The following SDK1 variants were observed in gnomAD, a reference collection of about 807,000 sequenced individuals.
SDK1 encodes the protein protein sidekick-1.
SDK1 carries 157 observed loss-of-function variants against 245.5 expected under a neutral mutation model. The ratio of observed to expected loss-of-function variants is 0.64; its 90% CI spans 0.56 to 0.73. The LOEUF (loss-of-function observed/expected upper bound fraction) is 0.73. Among genes scored for constraint, SDK1 ranks in the 30% least tolerant of loss-of-function variants. SDK1 has a pLI of 0.00. For synonymous variants in SDK1, 1,647 were observed against 1,278.5 expected (o/e 1.29, Z -6.15); for missense variants, 3,583 against 3,002.3 (o/e 1.19, Z -4.52).
chr7:4,120,699 C>T (rs544047366), intron 25 of SDK1, among the ~76,000 whole-genome samples: 2 of 152,088 alleles, frequency 1.3e-5, no homozygotes, highest in South Asian at 4.2e-4. Context: ...TCACTGCAAC[C>T]TCTGCCTCCT....
At chr7:3,342,128 A>G (rs1780363999) in intron 1 of SDK1, among the ~76,000 whole-genome samples, 1 of 152,242 alleles carries the variant, frequency 6.6e-6, no homozygotes, top group Non-Finnish European at 1.5e-5. Context: ...CAAAGGTGAA[A>G]AAGCAATTCA....
At chr7:4,162,314 A>G (rs575709050) in intron 32 of SDK1, among the ~76,000 whole-genome samples, 17 of 151,624 alleles carry the variant, frequency 1.1e-4, no homozygotes, top group African/African-American at 3.9e-4. Flanking sequence ...CGGATTGTAC[A>G]TATTTTCCCA....
intron 35 of SDK1, among the ~76,000 whole-genome samples, chr7:4,188,555 G>A (rs1163357405): frequency 1.3e-5 from 2 of 151,960 alleles, no homozygotes; most frequent in African/African-American, 4.8e-5. Flanking sequence ...GTGTTTAAGT[G>A]GTTGTGTGCT....
intron 5 of SDK1, among the ~76,000 whole-genome samples, chr7:3,885,829 G>A (rs1311477781): frequency 6.6e-6 from 1 of 152,146 alleles, no homozygotes; most frequent in South Asian, 2.1e-4. Flanking sequence ...AGTAACAATG[G>A]TGATGACAAA....
In SDK1 at chr7:4,265,961, G is replaced by A; in HGVS notation, c.*577G>A. 1.0e-6 allele frequency: 1 copy of A among 985,644 alleles called. No homozygotes were observed. The highest frequency in any genetic ancestry group is 1.2e-6 in the Non-Finnish European group (1 of 830,064). The allele number at this position is 985,644 out of a possible 1,614,324, so 61.1% of individuals were successfully genotyped here. A position where few individuals can be genotyped will look rare whatever the true frequency, so the allele number is the denominator to read the frequency against. Reference sequence around the variant, plus strand: ...TTCTCACTTGGCAGTGTCTAGTCAAGGAGTCGGCTTTCAGGTTCCTGACGG... The same window carrying A: ...TTCTCACTTGGCAGTGTCTAGTCAAAGAGTCGGCTTTCAGGTTCCTGACGG... On this transcript the variant is annotated 3_prime_UTR_variant, in exon 45 of 45. Transcript: ENST00000404826.
chr7:3,484,282 T>C (rs1477669057), intron 1 of SDK1, among the ~76,000 whole-genome samples: 1 of 152,200 alleles, frequency 6.6e-6, no homozygotes, highest in African/African-American at 2.4e-5. Context: ...TGGGTCCATG[T>C]ATACACACAT....
chr7:3,841,682 C>T (rs564000346), intron 5 of SDK1, among the ~76,000 whole-genome samples: 1 of 152,092 alleles, frequency 6.6e-6, no homozygotes, highest in African/African-American at 2.4e-5. Flanking sequence ...TTCTTCTCAG[C>T]CTCCCAAGTA....
At chr7:4,044,936 C>T (rs1462827338) in intron 17 of SDK1, among the ~76,000 whole-genome samples, 2 of 152,124 alleles carry the variant, frequency 1.3e-5, no homozygotes, top group African/African-American at 2.4e-5. Flanking sequence ...CACCCCTTTA[C>T]CCCCACCCCA....
At chr7:3,359,449 A>G (rs1444682717) in intron 1 of SDK1, among the ~76,000 whole-genome samples, 1 of 152,206 alleles carries the variant, frequency 6.6e-6, no homozygotes, top group African/African-American at 2.4e-5. Context: ...GCAAGTTAGG[A>G]ACTGTACTAG....
intron 2 of SDK1, among the ~76,000 whole-genome samples, 153 bp from the exon 3 acceptor site, chr7:3,638,851 A>T (rs1583257165): frequency 6.6e-6 from 1 of 151,918 alleles, no homozygotes; most frequent in East Asian, 1.9e-4. Flanking sequence ...TTAGGGAAGG[A>T]TTGCACAGAT....
chr7:3,475,106 C>T (rs893172747), intron 1 of SDK1, among the ~76,000 whole-genome samples: 1 of 152,228 alleles, frequency 6.6e-6, no homozygotes, highest in African/African-American at 2.4e-5. Context: ...ATGATATCCT[C>T]TTGCTTAAAG....
In SDK1 at chr7:3,314,581, T is replaced by A. The variant is rs150181280; in HGVS notation, c.298+12697T>A. 2.0e-5 allele frequency among the ~76,000 whole-genome samples: 3 copies of A among 152,340 alleles called. No individual in the cohort carries two copies. The East Asian group carries it at 5.8e-4, about 29-fold the overall frequency. On this transcript the variant is annotated intron_variant, in intron 1 of 44. Coordinates refer to ENST00000404826, the MANE Select transcript of SDK1 (RefSeq NM_152744.4). ...TTTGTGGCAACTTGATATGATTGGTTGATGCTCATCAATTCCTGAATTTTG... is the reference window on the plus strand; with the variant it reads ...TTTGTGGCAACTTGATATGATTGGTAGATGCTCATCAATTCCTGAATTTTG...
chr7:3,690,631 G>A (rs1443052892), intron 4 of SDK1, among the ~76,000 whole-genome samples: 1 of 152,126 alleles, frequency 6.6e-6, no homozygotes, highest in Non-Finnish European at 1.5e-5. Context: ...TAAGTCACCA[G>A]GAAGACATCA....
intron 1 of SDK1, among the ~76,000 whole-genome samples, chr7:3,400,670 C>G (rs1180986555): frequency 1.3e-5 from 2 of 152,072 alleles, no homozygotes; most frequent in Non-Finnish European, 2.9e-5. Context: ...TGGGGGTTAC[C>G]TAGAAATATA....
intron 42 of SDK1, among the ~76,000 whole-genome samples, chr7:4,239,430 A>G (rs989736883): frequency 1.3e-5 from 2 of 152,260 alleles, no homozygotes; most frequent in Non-Finnish European, 2.9e-5. Context: ...AGATTAGCAT[A>G]GCTTGTGCAT....
intron 1 of SDK1, among the ~76,000 whole-genome samples, chr7:3,519,847 A>G (rs911493043): frequency 2.6e-5 from 4 of 152,208 alleles, no homozygotes; most frequent in African/African-American, 4.8e-5. Context: ...GTATAATTCT[A>G]TTTTAGTAAA....
chr7:3,853,004 T>C (rs1780456631), intron 5 of SDK1, among the ~76,000 whole-genome samples: 1 of 151,996 alleles, frequency 6.6e-6, no homozygotes, highest in Non-Finnish European at 1.5e-5. Flanking sequence ...CATTTGTCAT[T>C]TGGATGATGC....
At chr7:3,579,051 C>G (rs945935886) in intron 1 of SDK1, among the ~76,000 whole-genome samples, 7 of 151,966 alleles carry the variant, frequency 4.6e-5, no homozygotes, top group African/African-American at 1.7e-4. Context: ...GCGGCTCCAG[C>G]TGGTCCCTCC....
intron 5 of SDK1, among the ~76,000 whole-genome samples, chr7:3,883,235 G>T (rs1781250187): frequency 6.6e-6 from 1 of 152,144 alleles, no homozygotes; most frequent in South Asian, 2.1e-4. Flanking sequence ...TTTCTGCATT[G>T]GGGTTCTCCT....
Sources: allele counts gnomAD v4.1 joint callset (sites outside exome capture counted in the v4.1 genomes callset), GRCh38; gene constraint gnomAD v4.1.1; transcripts MANE v1.5; gene names NCBI Gene and HGNC (gene_info 2026-07-23, HGNC 2026-07-21).